The following PPA2 variants were observed in gnomAD, a reference collection of about 807,000 sequenced individuals.
PPA2 encodes the protein inorganic pyrophosphatase 2, mitochondrial.
A neutral mutation model predicts 49.5 loss-of-function variants in PPA2; 48 were observed. The ratio of observed to expected loss-of-function variants is 0.97; its 90% confidence interval spans 0.77 to 1.23. The LOEUF is 1.23. Ranked by LOEUF, PPA2 falls within the 50% of genes most tolerant of loss-of-function variation. The pLI is 0.00. For missense variants in PPA2, 429 were observed against 410.1 expected (o/e 1.05, Z -0.40); for synonymous variants, 131 against 139.9 (o/e 0.94, Z 0.45).
intron 7 of PPA2, among the ~76,000 whole-genome samples, chr4:105,422,078 T>C (rs1299288164): frequency 2.0e-5 from 3 of 152,112 alleles, no homozygotes; most frequent in African/African-American, 7.2e-5. Context: ...AAAATCTAGA[T>C]ATAGGAGAAG....
intron 11 of PPA2, among the ~76,000 whole-genome samples, chr4:105,370,359 T>A (rs1732973191): frequency 6.6e-6 from 1 of 152,292 alleles, no homozygotes; most frequent in South Asian, 2.1e-4. Flanking sequence ...ATGCTTAAAT[T>A]CTGAAAATTC....
At chr4:105,374,132 C>T (rs967774909) in intron 10 of PPA2, among the ~76,000 whole-genome samples, 2 of 152,136 alleles carry the variant, frequency 1.3e-5, no homozygotes, top group Non-Finnish European at 1.5e-5. Flanking sequence ...TAGTTACTTA[C>T]TTCTAAATTT....
intron 5 of PPA2, 154 bp downstream of exon 5, chr4:105,446,229 T>A (rs544415902): frequency 1.4e-6 from 1 of 707,698 alleles, no homozygotes; most frequent in East Asian, 3.0e-5. Flanking sequence ...TTTATTGATA[T>A]ACTAAAACTC....
intron 6 of PPA2, among the ~76,000 whole-genome samples, chr4:105,427,292 C>G (rs1251966293): frequency 6.6e-6 from 1 of 152,126 alleles, no homozygotes; most frequent in Non-Finnish European, 1.5e-5. Flanking sequence ...TGCCTCTTCT[C>G]CTCAAAGGAT....
rs146923047 is a variant in PPA2, at chr4:105,404,423, A to G, written c.656-5259T>C. On this transcript the variant is annotated intron_variant, in intron 7 of 11. Coordinates refer to ENST00000341695, the MANE Select transcript of PPA2 (RefSeq NM_176869.3). The stretch of plus-strand genomic sequence containing the variant: ...TAAATAACTTTCGGGTCCAAAAGAA[A>G]ATCAAAACTCTAAAAATATTCAGAA... Among the ~76,000 whole-genome samples, 454 of 152,282 alleles carry G rather than the reference A, an allele frequency of 3.0e-3. 5 individuals are homozygous for G. The highest frequency in any genetic ancestry group is 0.011 in the African/African-American group (438 of 41,580).
chr4:105,418,411 G>A (rs573795377), intron 7 of PPA2, among the ~76,000 whole-genome samples: 47 of 152,302 alleles, frequency 3.1e-4, no homozygotes, highest in African/African-American at 1.1e-3. Context: ...CAAATAGATT[G>A]TGTCTCAACA....
intron 10 of PPA2, among the ~76,000 whole-genome samples, chr4:105,383,767 C>T (rs10004683): frequency 2.2e-4 from 34 of 152,064 alleles, no homozygotes; most frequent in African/African-American, 5.3e-4. Context: ...GCTGTTAATT[C>T]GCTCATTCTA....
At chr4:105,409,787 C>T (rs1170396034) in intron 7 of PPA2, among the ~76,000 whole-genome samples, 1 of 152,156 alleles carries the variant, frequency 6.6e-6, no homozygotes, top group African/African-American at 2.4e-5. Context: ...CTGGAGTGGG[C>T]CTCCAGCAAA....
At chr4:105,430,778 A>C (rs941552328) in intron 6 of PPA2, among the ~76,000 whole-genome samples, 2 of 152,242 alleles carry the variant, frequency 1.3e-5, no homozygotes, top group African/African-American at 4.8e-5. Flanking sequence ...TTTATAAGGA[A>C]AAACAAATAG....
chr4:105,423,092 T>C (rs1560623921), intron 7 of PPA2: 1 of 152,104 alleles, frequency 6.6e-6, no homozygotes, highest in African/African-American at 2.4e-5. Flanking sequence ...ATAGAAAAAA[T>C]CAGGGTAAAA....
At chr4:105,463,013 T>G (rs1039333556) in intron 1 of PPA2, among the ~76,000 whole-genome samples, 2 of 152,064 alleles carry the variant, frequency 1.3e-5, no homozygotes, top group Non-Finnish European at 1.5e-5. Flanking sequence ...TTGGTACCAG[T>G]AGAGTGCGGT....
intron 3 of PPA2, 63 bp downstream of exon 3, chr4:105,453,535 T>C: frequency 8.2e-7 from 1 of 1,219,994 alleles, no homozygotes; most frequent in South Asian, 1.7e-5. Context: ...ATGCAAACTA[T>C]CATCAAGGTA....
Position 105,369,639 on chromosome 4 carries a change from C to A in PPA2, c.*86G>T. The stretch of plus-strand genomic sequence containing the variant: ...AAAAAATGAAGTTTTAACAGGAAGT[C>A]AGTAAATGCTCATAGACCCCCTTGT... On this transcript the variant is annotated 3_prime_UTR_variant, in exon 12 of 12. Transcript: ENST00000341695. The A allele has an allele frequency of 7.9e-7, 1 of 1,264,678 alleles. No individual in the cohort carries two copies. Among genetic ancestry groups the A allele is most frequent in the South Asian group, 1.2e-5 (1 of 80,608 alleles). The allele number at this position is 1,264,678 out of a possible 1,614,324, so 78.3% of individuals were successfully genotyped here.
chr4:105,390,973 G>A (rs759130246), intron 9 of PPA2, among the ~76,000 whole-genome samples: 1 of 152,026 alleles, frequency 6.6e-6, no homozygotes, highest in Non-Finnish European at 1.5e-5. Context: ...AAGAAGATGT[G>A]GTACATATAC....
At position 105,471,284 on chromosome 4, in the gene PPA2, G is replaced by C. The variant is rs2269835; in HGVS notation, c.157+2610C>G. On this transcript the variant is annotated intron_variant, in intron 1 of 11. Transcript: ENST00000341695. ...CTAACAGGGTCAGGGCTGGCACCAA[G>C]GAGGCCTGATGATTCCCATCAGGAT... is the stretch of plus-strand genomic sequence containing the variant. Among the ~76,000 whole-genome samples the C allele has an allele frequency of 4.6e-5, 7 of 152,136 alleles. No homozygotes were observed. In the East Asian group the frequency reaches 1.4e-3, roughly 29 times the overall value.
intron 10 of PPA2, among the ~76,000 whole-genome samples, chr4:105,380,057 T>G (rs192791367): frequency 6.6e-6 from 1 of 152,332 alleles, no homozygotes; most frequent in African/African-American, 2.4e-5. Flanking sequence ...CCTCACAATC[T>G]GAATGGCTTT....
intron 7 of PPA2, among the ~76,000 whole-genome samples, chr4:105,419,004 T>C (rs1435708817): frequency 6.6e-6 from 1 of 152,200 alleles, no homozygotes; most frequent in Non-Finnish European, 1.5e-5. Flanking sequence ...TTATTCACAC[T>C]GGCCAAGGTA....
intron 1 of PPA2, among the ~76,000 whole-genome samples, chr4:105,469,729 A>C (rs1200348217): frequency 6.6e-6 from 1 of 152,264 alleles, no homozygotes; most frequent in Non-Finnish European, 1.5e-5. Flanking sequence ...CTGAAAAATC[A>C]AATAAAATAC....
intron 10 of PPA2, among the ~76,000 whole-genome samples, chr4:105,378,831 T>C (rs574177104): frequency 1.3e-5 from 2 of 152,268 alleles, no homozygotes; most frequent in Admixed American, 6.5e-5. Context: ...GTTGTCCAAA[T>C]ATATGTAGGT....
Sources: gnomAD v4.1 joint callset for allele counts (sites outside exome capture counted in the v4.1 genomes callset) on GRCh38, gnomAD v4.1.1 for gene constraint, MANE v1.5 for transcripts, NCBI Gene and HGNC (gene_info 2026-07-23, HGNC 2026-07-21) for gene names.